The following NCOA1 variants were observed in gnomAD, a reference collection of about 807,000 sequenced individuals.
The protein encoded by NCOA1 is nuclear receptor coactivator 1, also known as Hin-2 protein.
A neutral mutation model predicts 150.9 loss-of-function variants in NCOA1; 35 were observed. The observed-to-expected ratio is 0.23, with a 90% CI of 0.18 to 0.31. The LOEUF is 0.31. Among genes scored for constraint, NCOA1 ranks in the 10% least tolerant of loss-of-function variants. The pLI is 1.00. For synonymous variants in NCOA1, 590 were observed against 630.0 expected (o/e 0.94, Z 0.95); for missense variants, 1,491 against 1,749.3 (o/e 0.85, Z 2.63).
intron 14 of NCOA1, among the ~76,000 whole-genome samples, chr2:24,717,204 C>A (rs1674092928): frequency 6.6e-6 from 1 of 152,200 alleles, no homozygotes; most frequent in Admixed American, 6.5e-5. Flanking sequence ...CAGTTTCTTA[C>A]AAAACTAAAC....
At chr2:24,673,498 A>G (rs1671772145) in intron 7 of NCOA1, 35 bp downstream of exon 7, 3 of 1,459,412 alleles carry the variant, frequency 2.1e-6, no homozygotes, top group Non-Finnish European at 2.8e-6. Flanking sequence ...AGTGATTAAA[A>G]TCTTTGTTGT....
intron 19 of NCOA1, among the ~76,000 whole-genome samples, chr2:24,748,662 A>T (rs1446461899): frequency 6.6e-6 from 1 of 152,040 alleles, no homozygotes; most frequent in African/African-American, 2.4e-5. Context: ...AAAAACGAGT[A>T]AATTAACTAC....
intron 3 of NCOA1, among the ~76,000 whole-genome samples, chr2:24,634,051 AGCAAAAT>A (rs1287565486): frequency 9.8e-4 from 150 of 152,344 alleles, no homozygotes; most frequent in African/African-American, 3.4e-3. Context: ...GTATGAAATC[AGCAAAAT>A]GCAGAATATG....
chr2:24,741,703 G>T, intron 18 of NCOA1, 81 bp from the exon 19 acceptor site: 1 of 1,429,122 alleles, frequency 7.0e-7, no homozygotes, highest in East Asian at 2.5e-5. Context: ...CCCCAAGCAA[G>T]TAGGCCTTAA....
At chr2:24,682,554 C>T (rs1672225335) in intron 7 of NCOA1, among the ~76,000 whole-genome samples, 1 of 152,144 alleles carries the variant, frequency 6.6e-6, no homozygotes. Flanking sequence ...TCGCCTTGTA[C>T]CATATACTCC....
chr2:24,712,410 T>C (rs1673789778), intron 14 of NCOA1, among the ~76,000 whole-genome samples: 1 of 152,100 alleles, frequency 6.6e-6, no homozygotes. Flanking sequence ...CAGGGGACAT[T>C]GAATGGGCGG....
chr2:24,569,631 G>A (rs1319437418), intron 2 of NCOA1, among the ~76,000 whole-genome samples: 1 of 130,450 alleles, frequency 7.7e-6, no homozygotes, highest in Non-Finnish European at 1.6e-5. Context: ...TAGCATTTTG[G>A]GAGGCCTAGG....
chr2:24,513,952 A>G (rs1435564642), intron 1 of NCOA1, among the ~76,000 whole-genome samples: 2 of 152,172 alleles, frequency 1.3e-5, no homozygotes, highest in Non-Finnish European at 2.9e-5. Flanking sequence ...TTATTCTGGT[A>G]TAAAGCCACC....
intron 1 of NCOA1, among the ~76,000 whole-genome samples, chr2:24,544,407 G>T (rs1478200881): frequency 6.6e-6 from 1 of 152,174 alleles, no homozygotes; most frequent in Non-Finnish European, 1.5e-5. Context: ...GGAGATGGAA[G>T]AGGTGATCCA....
chr2:24,734,378 C>A (rs964279021), intron 17 of NCOA1, among the ~76,000 whole-genome samples: 4 of 152,028 alleles, frequency 2.6e-5, no homozygotes, highest in Non-Finnish European at 4.4e-5. Context: ...CCAATAAAAT[C>A]TCAACATGGA....
At chr2:24,501,078 A>G (rs1267183880) in intron 1 of NCOA1, among the ~76,000 whole-genome samples, 3 of 152,224 alleles carry the variant, frequency 2.0e-5, no homozygotes, top group African/African-American at 7.2e-5. Context: ...AGGCAATACC[A>G]TCTGATTAGT....
At chr2:24,510,700 T>C (rs1290710663) in intron 1 of NCOA1, among the ~76,000 whole-genome samples, 1 of 147,484 alleles carries the variant, frequency 6.8e-6, no homozygotes, top group Non-Finnish European at 1.5e-5. Flanking sequence ...TCAGAAAGCC[T>C]TAGGGCTTGA....
At chr2:24,678,329 A>G (rs1465754437) in intron 7 of NCOA1, among the ~76,000 whole-genome samples, 3 of 152,144 alleles carry the variant, frequency 2.0e-5, no homozygotes, top group African/African-American at 7.2e-5. Flanking sequence ...TGCTATTGTG[A>G]ATAGTGCTGT....
chr2:24,638,463 AAT>A (rs1264402158), intron 3 of NCOA1, among the ~76,000 whole-genome samples: 1 of 152,026 alleles, frequency 6.6e-6, no homozygotes, highest in Non-Finnish European at 1.5e-5. Context: ...ACGTCTCTTC[AAT>A]AATACTGATT....
At chr2:24,713,445 A>G (rs1673861291) in intron 14 of NCOA1, among the ~76,000 whole-genome samples, 1 of 151,844 alleles carries the variant, frequency 6.6e-6, no homozygotes, top group African/African-American at 2.4e-5. Context: ...TGAGAGATAA[A>G]GAAAAGATTC....
chr2:24,586,074 A>G (rs957479092), intron 3 of NCOA1, among the ~76,000 whole-genome samples: 1 of 151,718 alleles, frequency 6.6e-6, no homozygotes, highest in South Asian at 2.1e-4. Context: ...CAGGAGTTGG[A>G]GACCAGCCTG....
intron 3 of NCOA1, among the ~76,000 whole-genome samples, chr2:24,642,007 CGTGTGTGTGTGT>C (rs58991961): frequency 4.8e-5 from 7 of 144,948 alleles, no homozygotes; most frequent in Admixed American, 6.9e-5. Flanking sequence ...TTACAGAGGG[CGTGTGTGTGTGT>C]GTGTGTGTGT....
At chr2:24,658,623 A>G (rs1671048520) in intron 4 of NCOA1, 38 bp from the exon 5 acceptor site, 1 of 1,501,544 alleles carries the variant, frequency 6.7e-7, no homozygotes, top group South Asian at 1.1e-5. Flanking sequence ...TGGAAAGGTC[A>G]TAAGGGTAGA....
chr2:24,579,108 A>G (rs562232785), intron 2 of NCOA1, among the ~76,000 whole-genome samples: 2 of 152,322 alleles, frequency 1.3e-5, no homozygotes, highest in Admixed American at 6.5e-5. Context: ...TAAAACATAC[A>G]CATACAGAAC....
Sources: gnomAD v4.1 joint callset for allele counts (sites outside exome capture counted in the v4.1 genomes callset) on GRCh38, gnomAD v4.1.1 for gene constraint, MANE v1.5 for transcripts, NCBI Gene and HGNC (gene_info 2026-07-23, HGNC 2026-07-21) for gene names.